The following CEP128 variants were observed in gnomAD, a reference collection of about 807,000 sequenced individuals.
The protein encoded by CEP128 is centrosomal protein 128, also known as centrosomal protein 128kDa.
A neutral mutation model predicts 156.7 loss-of-function variants in CEP128; 132 were observed. The ratio of observed to expected loss-of-function variants is 0.84; its 90% CI spans 0.73 to 0.97. The LOEUF is 0.97. Among genes scored for constraint, CEP128 ranks in the 50% least tolerant of loss-of-function variants. The pLI, the probability that CEP128 is intolerant of heterozygous loss-of-function variation, is 0.00. For missense variants in CEP128, 1,252 were observed against 1,281.9 expected (o/e 0.98, Z 0.36); for synonymous variants, 469 against 448.9 (o/e 1.04, Z -0.57).
rs571124010 is a variant in CEP128, at chr14:80,891,397, T to C, written c.645+4321A>G. Among the ~76,000 whole-genome samples the C allele has an allele frequency of 3.3e-3, 508 of 152,140 alleles. 1 individual carries two copies. The highest frequency in any genetic ancestry group is 6.2e-3 in the Non-Finnish European group (419 of 67,968). On this transcript the variant is annotated intron_variant, in intron 8 of 24. Transcript: ENST00000555265. ...CAAAAAAAAGATGAGGTCCTGTGATTTGCAAAAACATGAATAGAACTTGAG... is the reference window on the plus strand; with the variant it reads ...CAAAAAAAAGATGAGGTCCTGTGATCTGCAAAAACATGAATAGAACTTGAG...
intron 19 of CEP128, among the ~76,000 whole-genome samples, chr14:80,606,209 C>T (rs1317880166): frequency 2.6e-5 from 4 of 152,234 alleles, no homozygotes; most frequent in Admixed American, 1.3e-4. Flanking sequence ...CCACATTGTA[C>T]AGCTTATCTT....
intron 23 of CEP128, among the ~76,000 whole-genome samples, chr14:80,507,046 G>A (rs574241904): frequency 2.6e-5 from 4 of 151,998 alleles, no homozygotes; most frequent in African/African-American, 9.6e-5. Flanking sequence ...TCTTGCTGCT[G>A]CTTTTGCCAT....
intron 19 of CEP128, among the ~76,000 whole-genome samples, chr14:80,707,889 C>A (rs1402982720): frequency 6.6e-6 from 1 of 152,046 alleles, no homozygotes; most frequent in African/African-American, 2.4e-5. Flanking sequence ...CTTGAAATTT[C>A]TTCTGTTCAA....
At chr14:80,791,158 GATTTACTGAGCAC>G (rs1901686568) in intron 14 of CEP128, among the ~76,000 whole-genome samples, 1 of 151,960 alleles carries the variant, frequency 6.6e-6, no homozygotes, top group African/African-American at 2.4e-5. Flanking sequence ...CCACATCACA[GATTTACTGAGCAC>G]ATTTCTTACT....
At chr14:80,590,745 T>C (rs1892020208) in intron 19 of CEP128, among the ~76,000 whole-genome samples, 2 of 152,080 alleles carry the variant, frequency 1.3e-5, no homozygotes, top group South Asian at 2.1e-4. Flanking sequence ...GCAAAAATTG[T>C]AACAATATCT....
intron 5 of CEP128, 37 bp downstream of exon 5, chr14:80,905,918 T>A: frequency 6.2e-7 from 1 of 1,601,390 alleles, no homozygotes; most frequent in Non-Finnish European, 8.5e-7. Flanking sequence ...ACTTCAAAAA[T>A]ATTTTTAATG....
chr14:80,775,324 G>C (rs1900732382), intron 16 of CEP128, among the ~76,000 whole-genome samples: 1 of 152,132 alleles, frequency 6.6e-6, no homozygotes, highest in Non-Finnish European at 1.5e-5. Context: ...CCTATCTGTA[G>C]TTGGCTCAAT....
At chr14:80,709,038 C>T (rs1444108444) in intron 19 of CEP128, among the ~76,000 whole-genome samples, 4 of 151,292 alleles carry the variant, frequency 2.6e-5, no homozygotes, top group Non-Finnish European at 4.4e-5. Flanking sequence ...AAGTTTTAGG[C>T]TGGGTGTGGT....
intron 8 of CEP128, among the ~76,000 whole-genome samples, chr14:80,887,841 C>G (rs948819083): frequency 6.6e-6 from 1 of 152,100 alleles, no homozygotes; most frequent in Non-Finnish European, 1.5e-5. Flanking sequence ...AATTCAGGAG[C>G]TGGTTTTTTG....
intron 19 of CEP128, among the ~76,000 whole-genome samples, chr14:80,721,708 T>C (rs1249707053): frequency 6.6e-6 from 1 of 152,200 alleles, no homozygotes; most frequent in Non-Finnish European, 1.5e-5. Context: ...TTAAATTAAA[T>C]CAACTCTGCA....
At chr14:80,873,651 G>A (rs1193808867) in intron 8 of CEP128, among the ~76,000 whole-genome samples, 1 of 152,090 alleles carries the variant, frequency 6.6e-6, no homozygotes, top group Non-Finnish European at 1.5e-5. Context: ...TCTGAATTTA[G>A]ATCAAATCCT....
rs370474015 is a variant in CEP128 at position 80,862,863 on chromosome 14, C to G, written c.656G>C (p.Arg219Pro). ...EAQKQEVVSD[R>P]VERRLQELER... ...CAGTTCCTGAAGCCGCCGCTCCACC[C>G]GATCTGAAACCTTAATAAGAATTCA... Residue 219 changes from arginine (R) to proline (P), a missense_variant, in exon 9 of 25, where the codon CGG becomes CCG. By Grantham distance (103) the Arg-to-Pro change is moderately radical (BLOSUM62 -2). Transcript: ENST00000555265. The G allele has an allele frequency of 1.2e-6, 2 of 1,612,858 alleles. No individual in the cohort carries two copies. Among genetic ancestry groups the G allele is most frequent in the South Asian group, 1.1e-5 (1 of 91,022 alleles).
intron 19 of CEP128, among the ~76,000 whole-genome samples, chr14:80,700,689 TG>T (rs1204483594): frequency 6.6e-6 from 1 of 152,194 alleles, no homozygotes; most frequent in Admixed American, 6.6e-5. Flanking sequence ...AGTTTTGTTC[TG>T]GGTTAGCAAT....
At chr14:80,862,955 G>A (rs1343726813) in intron 8 of CEP128, 82 bp from the exon 9 acceptor site, 5 of 918,720 alleles carry the variant, frequency 5.4e-6, no homozygotes, top group Non-Finnish European at 8.9e-6. Flanking sequence ...TTTTATAGCA[G>A]ATACACTACT....
chr14:80,491,250 C>T (rs1887313914), intron 6 of CEP128, among the ~76,000 whole-genome samples: 1 of 152,192 alleles, frequency 6.6e-6, no homozygotes, highest in African/African-American at 2.4e-5. Context: ...CCACGGTACA[C>T]ACTGGCTTTA....
chr14:80,779,557 G>C (rs532535988), intron 15 of CEP128, among the ~76,000 whole-genome samples: 1 of 152,142 alleles, frequency 6.6e-6, no homozygotes, highest in Admixed American at 6.5e-5. Flanking sequence ...AGTCTGTAGT[G>C]TGCTGCAGCC....
chr14:80,951,650 T>C (rs900292447), intron 2 of CEP128, among the ~76,000 whole-genome samples: 34 of 152,180 alleles, frequency 2.2e-4, no homozygotes, highest in African/African-American at 7.7e-4. Flanking sequence ...GATTATTCAC[T>C]TAAATGTAAT....
chr14:80,905,660 T>A (rs113697851), intron 5 of CEP128: 82 of 265,968 alleles, frequency 3.1e-4, no homozygotes, highest in African/African-American at 1.6e-3. Context: ...GTGTATCACA[T>A]AGCGAATTTA....
intron 8 of CEP128, among the ~76,000 whole-genome samples, chr14:80,891,356 T>C (rs1022476611): frequency 1.3e-5 from 2 of 152,112 alleles, no homozygotes; most frequent in East Asian, 1.9e-4. Flanking sequence ...TTATACACAA[T>C]GGAGTACTAT....
Sources: gnomAD v4.1 joint callset for allele counts (sites outside exome capture counted in the v4.1 genomes callset) on GRCh38, gnomAD v4.1.1 for gene constraint, MANE v1.5 for transcripts, NCBI Gene and HGNC (gene_info 2026-07-23, HGNC 2026-07-21) for gene names.